SUGCT: variants seen among roughly 807,000 people sequenced by gnomAD.
SUGCT encodes the protein succinyl-CoA:glutarate-CoA transferase.
Under a neutral mutation model 55.0 loss-of-function variants are expected in SUGCT, and 41 were observed. The ratio of observed to expected loss-of-function variants is 0.74; its 90% CI spans 0.58 to 0.97. SUGCT has a LOEUF of 0.97. Ranked by LOEUF, SUGCT falls within the 50% of genes least tolerant of loss-of-function variation. SUGCT has a pLI of 0.00. For synonymous variants in SUGCT, 187 were observed against 200.4 expected (o/e 0.93, Z 0.56); for missense variants, 568 against 547.8 (o/e 1.04, Z -0.37).
chr7:40,265,785 T>C (rs1297775933), intron 7 of SUGCT, among the ~76,000 whole-genome samples: 2 of 152,176 alleles, frequency 1.3e-5, no homozygotes, highest in African/African-American at 2.4e-5. Context: ...ACCCCGTCTC[T>C]ACTAAAAGTA....
intron 13 of SUGCT, among the ~76,000 whole-genome samples, chr7:40,753,123 A>G (rs1788097823): frequency 6.6e-6 from 1 of 152,216 alleles, no homozygotes; most frequent in Non-Finnish European, 1.5e-5. Context: ...GTATATCCCA[A>G]TAAGAGGCCA....
At chr7:40,377,636 A>G (rs1181313517) in intron 9 of SUGCT, among the ~76,000 whole-genome samples, 1 of 152,150 alleles carries the variant, frequency 6.6e-6, no homozygotes, top group East Asian at 1.9e-4. Context: ...AAGAGTTACA[A>G]ACGGAAATAC....
In SUGCT at chr7:40,791,377, G is replaced by A. The variant is rs1345475019; in HGVS notation, c.1153+41880G>A. 3.9e-5 allele frequency among the ~76,000 whole-genome samples: 6 copies of A among 152,244 alleles called. No individual in the cohort carries two copies. In the East Asian group the frequency reaches 1.2e-3, roughly 29 times the overall value. ...ACAAAATAATTTAAAATCAAAGAAT[G>A]TTTTCAGTTGCCATTTTGCCTAAAC... On this transcript the variant is annotated intron_variant, in intron 13 of 13. Transcript: ENST00000335693.
At chr7:40,172,223 T>C (rs1190172223) in intron 1 of SUGCT, among the ~76,000 whole-genome samples, 1 of 152,138 alleles carries the variant, frequency 6.6e-6, no homozygotes, top group African/African-American at 2.4e-5. Flanking sequence ...GCTTGGAGAT[T>C]GTATTGCAGT....
intron 7 of SUGCT, among the ~76,000 whole-genome samples, chr7:40,253,569 A>ATTT (rs34615423): frequency 1.3e-5 from 2 of 150,384 alleles, no homozygotes; most frequent in African/African-American, 4.9e-5. Context: ...ATATATTTAC[A>ATTT]TTTTTTTTTT....
chr7:40,772,445 A>G (rs1196911138), intron 13 of SUGCT, among the ~76,000 whole-genome samples: 2 of 152,112 alleles, frequency 1.3e-5, no homozygotes, highest in Non-Finnish European at 2.9e-5. Flanking sequence ...ATTCATCGTG[A>G]TAGACGCTAG....
intron 9 of SUGCT, among the ~76,000 whole-genome samples, chr7:40,386,482 T>C (rs1785135494): frequency 6.6e-6 from 1 of 152,184 alleles, no homozygotes; most frequent in Non-Finnish European, 1.5e-5. Context: ...GTTTGCTAAT[T>C]TCCTAATTTG....
intron 7 of SUGCT, among the ~76,000 whole-genome samples, chr7:40,240,864 G>T (rs1267628368): frequency 2.6e-5 from 4 of 152,152 alleles, no homozygotes; most frequent in Non-Finnish European, 5.9e-5. Context: ...ATCTCTGAGG[G>T]CATATATTTA....
intron 7 of SUGCT, among the ~76,000 whole-genome samples, chr7:40,249,036 A>G (rs935810536): frequency 1.3e-5 from 2 of 151,844 alleles, no homozygotes; most frequent in South Asian, 2.1e-4. Flanking sequence ...TATGCCTGCA[A>G]TCCTAGCACT....
chr7:40,845,253 GGGAGATGTTTCTTT>G (rs1793497526), intron 13 of SUGCT, among the ~76,000 whole-genome samples: 2 of 152,154 alleles, frequency 1.3e-5, no homozygotes, highest in South Asian at 4.1e-4. Context: ...AGTCAAAGAA[GGGAGATGTTTCTTT>G]GGACTATGGG....
the SUGCT span, among the ~76,000 whole-genome samples, chr7:40,944,319 C>T: frequency 1.3e-5 from 2 of 151,214 alleles, no homozygotes; most frequent in Non-Finnish European, 3.0e-5. Context: ...CTTTTGTTGC[C>T]ATTGCTTTTG....
In SUGCT at chr7:40,496,359, C is replaced by T. The variant is rs1283623730; in HGVS notation, c.1062C>T (p.Asn354=). The change falls in exon 12 of 14, where the codon AAC becomes AAT. Residue 354 remains asparagine, a synonymous_variant. Coordinates refer to ENST00000335693, the MANE Select transcript of SUGCT (RefSeq NM_001193313.2). ...GSGVPYGPIN[N]MKNVFAEPQV... is the part of the protein sequence containing the mutation. ...GAGTCCCGTATGGCCCAATCAACAA[C>T]ATGAAGAATGTATTTGCAGAACCTC... 1.1e-5 allele frequency: 18 copies of T among 1,612,568 alleles called. No homozygotes were observed. Among genetic ancestry groups the T allele is most frequent in the Non-Finnish European group, 1.4e-5 (17 of 1,179,124 alleles).
At chr7:40,953,950 G>T in the SUGCT span, among the ~76,000 whole-genome samples, 2 of 152,204 alleles carry the variant, frequency 1.3e-5, no homozygotes, top group African/African-American at 4.8e-5. Flanking sequence ...CAAACTCCAT[G>T]CTGGGAGAAC....
At chr7:40,865,060 C>T (rs1794555669), downstream of SUGCT, among the ~76,000 whole-genome samples, 1 of 152,048 alleles carries the variant, frequency 6.6e-6, no homozygotes, top group South Asian at 2.1e-4. Context: ...TCTTACCTGT[C>T]TTTTTTCTCA....
intron 11 of SUGCT, among the ~76,000 whole-genome samples, chr7:40,460,987 A>G (rs1046436679): frequency 6.6e-6 from 1 of 152,186 alleles, no homozygotes; most frequent in Non-Finnish European, 1.5e-5. Context: ...GACCACAGAT[A>G]GAGCCCTTGG....
chr7:40,977,676 C>T, the SUGCT span, among the ~76,000 whole-genome samples: 5 of 152,162 alleles, frequency 3.3e-5, no homozygotes, highest in Admixed American at 6.5e-5. Context: ...TGATAAACAC[C>T]TTTCAGAGGT....
In SUGCT at chr7:40,430,593, T is replaced by C. The variant is rs986588534; in HGVS notation, c.817-18694T>C. Among the ~76,000 whole-genome samples, 25 of 152,212 alleles carry C rather than the reference T, an allele frequency of 1.6e-4. 1 individual carries two copies. Among genetic ancestry groups the C allele is most frequent in the African/African-American group, 5.8e-4 (24 of 41,460 alleles). On this transcript the variant is annotated intron_variant, in intron 9 of 13. Transcript: ENST00000335693. ...TATCAGATATATGTTTTGCATAGAT[T>C]GTTTTCCCAATCTCTAAGTTGCTGG...
intron 12 of SUGCT, among the ~76,000 whole-genome samples, chr7:40,547,381 A>G (rs745794057): frequency 7.9e-5 from 12 of 152,240 alleles, no homozygotes; most frequent in Non-Finnish European, 1.6e-4. Flanking sequence ...GGCCCTGTCA[A>G]GTTTATGCAT....
At chr7:40,740,172 T>A (rs1354107258) in intron 12 of SUGCT, among the ~76,000 whole-genome samples, 1 of 152,096 alleles carries the variant, frequency 6.6e-6, no homozygotes, top group African/African-American at 2.4e-5. Flanking sequence ...TTAGTGACTA[T>A]TAATGGTGTT....
Sources: allele counts gnomAD v4.1 joint callset (sites outside exome capture counted in the v4.1 genomes callset), GRCh38; gene constraint gnomAD v4.1.1; transcripts MANE v1.5; gene names NCBI Gene and HGNC (gene_info 2026-07-23, HGNC 2026-07-21).